Variants in GCSAM observed in about 807,000 individuals in gnomAD.
The protein encoded by GCSAM is germinal center associated signaling and motility, also known as germinal center-associated signaling and motility protein.
Under a neutral mutation model 17.6 loss-of-function variants are expected in GCSAM, and 8 were observed. The ratio of observed to expected loss-of-function variants is 0.46; its 90% confidence interval spans 0.27 to 0.82. GCSAM has a LOEUF of 0.82. Among genes scored for constraint, GCSAM ranks in the 40% least tolerant of loss-of-function variants. The pLI, the probability that GCSAM is intolerant of heterozygous loss-of-function variation, is 0.15. For missense variants in GCSAM, 192 were observed against 213.5 expected (o/e 0.90, Z 0.63); for synonymous variants, 68 against 69.0 (o/e 0.98, Z 0.07).
intron 5 of GCSAM, among the ~76,000 whole-genome samples, chr3:112,124,407 G>A (rs1182174608): frequency 6.6e-6 from 1 of 152,056 alleles, no homozygotes; most frequent in African/African-American, 2.4e-5. Context: ...TCAGGAGTTC[G>A]AGACCAGCCT....
chr3:112,132,540 G>C (rs1417875106), intron 1 of GCSAM: 1 of 449,004 alleles, frequency 2.2e-6, no homozygotes, highest in Non-Finnish European at 2.9e-6. Context: ...CTCTAAGGTA[G>C]ATATTGTATT....
chr3:112,127,963 C>T, intron 3 of GCSAM, 54 bp downstream of exon 3: 1 of 1,495,088 alleles, frequency 6.7e-7, no homozygotes, highest in Non-Finnish European at 9.3e-7. Flanking sequence ...ACAGCAAATA[C>T]CACATTGAAA....
intron 2 of GCSAM, chr3:112,128,758 C>T (rs2107809864): frequency 6.3e-6 from 1 of 159,740 alleles, no homozygotes; most frequent in African/African-American, 2.4e-5. Context: ...TCTTATAGCA[C>T]AAAGGCTTAG....
chr3:112,127,678 G>A (rs939988888), intron 3 of GCSAM, among the ~76,000 whole-genome samples: 4 of 152,146 alleles, frequency 2.6e-5, no homozygotes, highest in Non-Finnish European at 5.9e-5. Context: ...CTATCACCCC[G>A]ACTATAAGTT....
At position 112,123,402 on chromosome 3, in the gene GCSAM, C is replaced by G; in HGVS notation, c.*53G>C. The G allele has an allele frequency of 6.3e-7, 1 of 1,577,802 alleles. No individual in the cohort carries two copies. Among genetic ancestry groups the G allele is most frequent in the Middle Eastern group, 1.8e-4 (1 of 5,688 alleles). ...CCCATCCCTGCTTCAGGCAGATCCC[C>G]CATCCCACCTTTTATTTGTTGGTGC... On this transcript the variant is annotated 3_prime_UTR_variant, in exon 6 of 6. Transcript: ENST00000308910.
chr3:112,128,596 C>T (rs2074383377), intron 2 of GCSAM: 1 of 208,708 alleles, frequency 4.8e-6, no homozygotes, highest in African/African-American at 2.3e-5. Context: ...TATGACACAA[C>T]ATCTGGCACA....
intron 1 of GCSAM, among the ~76,000 whole-genome samples, chr3:112,132,063 A>C (rs1375280751): frequency 6.6e-6 from 1 of 152,222 alleles, no homozygotes; most frequent in Non-Finnish European, 1.5e-5. Flanking sequence ...CAATCACTAC[A>C]TTTGAGCATC....
rs1339097737 is a variant in GCSAM, at chr3:112,123,108, G to A, written c.*347C>T. The A allele has an allele frequency of 7.4e-6, 2 of 269,356 alleles. No individual in the cohort carries two copies. The highest frequency in any genetic ancestry group is 4.4e-5 in the African/African-American group (2 of 45,196). The allele number at this position is 269,356 out of a possible 1,614,324, so 16.7% of individuals were successfully genotyped here. A position where few individuals can be genotyped will look rare whatever the true frequency, so the allele number is the denominator to read the frequency against. ...CCTTGTGACTTTAGAGAATGATCAT[G>A]GGAACACTTTATAAGAAGATCCCAG... On this transcript the variant is annotated 3_prime_UTR_variant, in exon 6 of 6. Transcript: ENST00000308910.
Position 112,123,645 on chromosome 3 carries a change from C to A in GCSAM, c.347G>T (p.Arg116Ile). ...YYENVPCKAERPRESLGGTET... is the reference protein window; with the variant it reads ...YYENVPCKAEIPRESLGGTET... The stretch of plus-strand genomic sequence containing the variant: ...AGTTCCTCCCAAGGACTCTCTGGGT[C>A]TCTCAGCTTTGCAGGGAACATTCTC... The change falls in exon 6 of 6, where the codon AGA becomes ATA. Residue 116 changes from arginine (R) to isoleucine (I), a missense_variant. Arg to Ile is a moderately conservative substitution (Grantham distance 97, BLOSUM62 -3). Coordinates refer to ENST00000308910, the MANE Select transcript of GCSAM (RefSeq NM_152785.5). The A allele has an allele frequency of 6.2e-7, 1 of 1,614,144 alleles. No individual in the cohort carries two copies. The highest frequency in any genetic ancestry group is 8.5e-7 in the Non-Finnish European group (1 of 1,180,014).
At chr3:112,131,953 A>G (rs1405731370) in intron 1 of GCSAM, among the ~76,000 whole-genome samples, 1 of 152,214 alleles carries the variant, frequency 6.6e-6, no homozygotes, top group Admixed American at 6.5e-5. Flanking sequence ...ACAAAATTTT[A>G]AAGTAAAAAA....
In GCSAM at chr3:112,133,219, T is replaced by C; in HGVS notation, c.-99A>G. Reference sequence around the variant, plus strand: ...CTCCTGACTTAAAGAAAGGGCTGTGTGGCTCTGGCCACCCGTGCAGAGACA... The same window carrying C: ...CTCCTGACTTAAAGAAAGGGCTGTGCGGCTCTGGCCACCCGTGCAGAGACA... On this transcript the variant is annotated 5_prime_UTR_variant, in exon 1 of 6. Transcript: ENST00000308910. 1.5e-6 allele frequency: 2 copies of C among 1,305,680 alleles called. No individual in the cohort carries two copies. Among genetic ancestry groups the C allele is most frequent in the Middle Eastern group, 1.9e-4 (1 of 5,404 alleles). The allele number at this position is 1,305,680 out of a possible 1,614,324, so 80.9% of individuals were successfully genotyped here.
chr3:112,129,943 T>A (rs181311349), intron 2 of GCSAM: 1 of 153,878 alleles, frequency 6.5e-6, no homozygotes, highest in Admixed American at 6.4e-5. Flanking sequence ...GAGAATTCTT[T>A]AGGGCTGGAC....
In GCSAM at chr3:112,122,530, G is replaced by A. The variant is rs1303847958; in HGVS notation, c.*925C>T. 1.3e-5 allele frequency: 2 copies of A among 152,074 alleles called. No individual in the cohort carries two copies. Among genetic ancestry groups the A allele is most frequent in the African/African-American group, 4.8e-5 (2 of 41,408 alleles). 9.4% of individuals were successfully genotyped at this position (152,074 alleles called of 1,614,324 possible). On this transcript the variant is annotated 3_prime_UTR_variant, in exon 6 of 6. Transcript: ENST00000308910. ...AGTGCTTATCAGAGAAGGTATATAT[G>A]TGTTAATTTCCTATGTGGACATTTT...
At position 112,127,050 on chromosome 3, in the gene GCSAM, A is replaced by T. The variant is rs1250244924; in HGVS notation, c.144-17T>A. 5.9e-6 allele frequency: 9 copies of T among 1,535,292 alleles called. No individual in the cohort carries two copies. Among genetic ancestry groups the T allele is most frequent in the Non-Finnish European group, 8.1e-6 (9 of 1,113,648 alleles). ...ATTTTTTTCCTGTAAAAGAAAAGCA[A>T]AGCAAATTGTTTTAATATTCAGAAA... On this transcript the variant is annotated splice_polypyrimidine_tract_variant and intron_variant, in intron 3 of 5. Transcript: ENST00000308910.
intron 2 of GCSAM, chr3:112,128,714 T>A (rs2107809712): frequency 6.1e-6 from 1 of 162,946 alleles, no homozygotes; most frequent in Admixed American, 5.7e-5. Flanking sequence ...CCACCTTGAC[T>A]CCAACGATAT....
rs1433445190 is a variant in GCSAM, at chr3:112,133,133, C to T, written c.-13G>A. 6.2e-7 allele frequency: 1 copy of T among 1,613,758 alleles called. No homozygotes were observed. The highest frequency in any genetic ancestry group is 1.3e-5 in the African/African-American group (1 of 74,936). On this transcript the variant is annotated 5_prime_UTR_variant, in exon 1 of 6. Coordinates refer to ENST00000308910, the MANE Select transcript of GCSAM (RefSeq NM_152785.5). ...GAGAATTTCCCATCCTCTCAGTCCT[C>T]TCAGGGCTTCCCCTCCGTCCCTTTA...
chr3:112,131,871 TA>T (rs1168494939), intron 1 of GCSAM, among the ~76,000 whole-genome samples: 2 of 152,066 alleles, frequency 1.3e-5, no homozygotes, highest in Non-Finnish European at 2.9e-5. Flanking sequence ...TTAAAATAAA[TA>T]AAAAACCATA....
intron 1 of GCSAM, 40 bp from the exon 2 acceptor site, chr3:112,130,553 A>G: frequency 6.5e-7 from 1 of 1,546,268 alleles, no homozygotes; most frequent in Non-Finnish European, 8.9e-7. Flanking sequence ...AGTATTTCCT[A>G]AACAGGCCTG....
chr3:112,127,771 T>C (rs1162793132), intron 3 of GCSAM, among the ~76,000 whole-genome samples: 1 of 152,220 alleles, frequency 6.6e-6, no homozygotes, highest in African/African-American at 2.4e-5. Context: ...TTTTCTACGT[T>C]AGTAGCTAGT....
Sources: gnomAD v4.1 joint callset for allele counts (sites outside exome capture counted in the v4.1 genomes callset) on GRCh38, gnomAD v4.1.1 for gene constraint, MANE v1.5 for transcripts, NCBI Gene and HGNC (gene_info 2026-07-23, HGNC 2026-07-21) for gene names.